Variants in ZCWPW2 observed in about 807,000 individuals in gnomAD.
ZCWPW2 encodes zinc finger CW-type PWWP domain protein 2.
Under a neutral mutation model 46.6 loss-of-function variants are expected in ZCWPW2, and 45 were observed. The observed-to-expected ratio is 0.96, with a 90% CI of 0.76 to 1.24. ZCWPW2 has a LOEUF of 1.24. Ranked by LOEUF, ZCWPW2 falls within the 50% of genes most tolerant of loss-of-function variation. The probability of loss-of-function intolerance (pLI) is 0.00; values close to 1 mark genes in which losing one functional copy is unlikely to be tolerated. For synonymous variants in ZCWPW2, 152 were observed against 137.1 expected (o/e 1.11, Z -0.76); for missense variants, 429 against 403.9 (o/e 1.06, Z -0.53).
chr3:28,363,225 T>A (rs1041254564), intron 1 of ZCWPW2, among the ~76,000 whole-genome samples: 3 of 152,020 alleles, frequency 2.0e-5, no homozygotes, highest in East Asian at 1.9e-4. Flanking sequence ...AAATATTTTT[T>A]AAAAAAAGAA....
At position 28,515,646 on chromosome 3, in the gene ZCWPW2, T is replaced by A. The variant is rs1266672952; in HGVS notation, c.784+25T>A. 3 of 1,585,438 alleles carry A rather than the reference T, an allele frequency of 1.9e-6. No homozygotes were observed. In the Admixed American group the frequency reaches 5.2e-5, roughly 27 times the overall value. ...GGTATGTGAAAGCCTGTCCTGCTTTTAGTTCTTTAACCTATATATAATTCC... is the reference window on the plus strand; with the variant it reads ...GGTATGTGAAAGCCTGTCCTGCTTTAAGTTCTTTAACCTATATATAATTCC... On this transcript the variant is annotated intron_variant, in intron 8 of 9. Transcript: ENST00000383768.
At chr3:28,373,833 A>T (rs1705418764) in intron 1 of ZCWPW2, among the ~76,000 whole-genome samples, 1 of 151,578 alleles carries the variant, frequency 6.6e-6, no homozygotes, top group Non-Finnish European at 1.5e-5. Context: ...TTTAAATTAG[A>T]TTTGTTTGTT....
intron 9 of ZCWPW2, among the ~76,000 whole-genome samples, chr3:28,522,847 G>A (rs571154502): frequency 1.1e-4 from 16 of 152,102 alleles, no homozygotes; most frequent in Admixed American, 3.9e-4. Context: ...TCCTATATAC[G>A]TATAATTAAT....
chr3:28,382,162 CAAAA>C (rs1237903671), intron 1 of ZCWPW2, among the ~76,000 whole-genome samples: 4 of 81,370 alleles, frequency 4.9e-5, no homozygotes, highest in African/African-American at 9.2e-5. Context: ...AACTGCATCT[CAAAA>C]AAAAAAAAAA....
intron 6 of ZCWPW2, among the ~76,000 whole-genome samples, chr3:28,502,279 C>G (rs1700163496): frequency 6.6e-6 from 1 of 152,074 alleles, no homozygotes; most frequent in South Asian, 2.1e-4. Context: ...AGATAAATCT[C>G]TGATTCCAAA....
chr3:28,429,385 C>T (rs1290476391), intron 3 of ZCWPW2, among the ~76,000 whole-genome samples: 1 of 152,108 alleles, frequency 6.6e-6, no homozygotes, highest in Non-Finnish European at 1.5e-5. Flanking sequence ...GCAATGTGAT[C>T]AAGAAGTGAC....
At chr3:28,374,288 A>G (rs914912659) in intron 1 of ZCWPW2, among the ~76,000 whole-genome samples, 2 of 152,166 alleles carry the variant, frequency 1.3e-5, no homozygotes, top group Non-Finnish European at 2.9e-5. Flanking sequence ...TTTGTCACAA[A>G]TGAGCTGAGT....
intron 4 of ZCWPW2, among the ~76,000 whole-genome samples, chr3:28,463,474 T>C (rs957623939): frequency 6.6e-6 from 1 of 152,202 alleles, no homozygotes; most frequent in Non-Finnish European, 1.5e-5. Flanking sequence ...TTGTCTGTTT[T>C]GCTGTTGGGA....
At chr3:28,437,793 C>T (rs1304732759) in intron 4 of ZCWPW2, among the ~76,000 whole-genome samples, 1 of 152,202 alleles carries the variant, frequency 6.6e-6, no homozygotes, top group Admixed American at 6.5e-5. Flanking sequence ...CCAGCCTCCT[C>T]TCTTATAAAG....
intron 9 of ZCWPW2, among the ~76,000 whole-genome samples, chr3:28,522,572 C>A (rs962380939): frequency 4.6e-5 from 7 of 152,108 alleles, no homozygotes; most frequent in Admixed American, 1.3e-4. Flanking sequence ...TAAACATGTC[C>A]TTTATTGAGT....
chr3:28,437,947 G>A (rs1251838299), intron 4 of ZCWPW2, among the ~76,000 whole-genome samples: 2 of 152,116 alleles, frequency 1.3e-5, no homozygotes, highest in Admixed American at 1.3e-4. Flanking sequence ...GAACTCTGGA[G>A]TCTATTGAAG....
intron 8 of ZCWPW2, 89 bp from the exon 9 acceptor site, chr3:28,520,903 G>A: frequency 6.7e-7 from 1 of 1,487,768 alleles, no homozygotes; most frequent in South Asian, 1.2e-5. Context: ...GCATTTAAAA[G>A]ATTTCTTCTT....
chr3:28,474,675 A>G (rs1444933018), intron 4 of ZCWPW2, among the ~76,000 whole-genome samples: 1 of 149,750 alleles, frequency 6.7e-6, no homozygotes, highest in Admixed American at 6.7e-5. Flanking sequence ...GTAATTCCTA[A>G]AGTTTATCTG....
chr3:28,353,179 G>A (rs145671551), intron 1 of ZCWPW2, among the ~76,000 whole-genome samples: 1,955 of 148,668 alleles, frequency 0.013, 35 homozygotes, highest in African/African-American at 0.045. Flanking sequence ...CCAAGACTCC[G>A]TCTCAAAAAA....
intron 7 of ZCWPW2, among the ~76,000 whole-genome samples, chr3:28,515,086 T>C (rs1172632920): frequency 2.0e-5 from 3 of 152,208 alleles, no homozygotes; most frequent in Non-Finnish European, 4.4e-5. Context: ...CAAGACCTTA[T>C]GGTTAGAGAA....
intron 4 of ZCWPW2, among the ~76,000 whole-genome samples, chr3:28,436,342 G>A (rs975166486): frequency 1.2e-4 from 2 of 17,056 alleles, no homozygotes; most frequent in Admixed American, 1.2e-3. Flanking sequence ...TTTTTTTTTT[G>A]TGATGGCCAG....
chr3:28,364,286 T>G (rs1011052166), intron 1 of ZCWPW2, among the ~76,000 whole-genome samples: 14 of 152,302 alleles, frequency 9.2e-5, no homozygotes, highest in Admixed American at 7.9e-4. Context: ...GTGTGCACAT[T>G]GCACCAAAAG....
At chr3:28,446,367 G>A (rs1170782272) in intron 4 of ZCWPW2, among the ~76,000 whole-genome samples, 1 of 151,946 alleles carries the variant, frequency 6.6e-6, no homozygotes, top group African/African-American at 2.4e-5. Context: ...ATAATAACAG[G>A]TAAAATTAGA....
intron 9 of ZCWPW2, among the ~76,000 whole-genome samples, chr3:28,521,732 G>A (rs1025521560): frequency 6.6e-6 from 1 of 152,138 alleles, no homozygotes; most frequent in African/African-American, 2.4e-5. Flanking sequence ...ACAGAGCAGC[G>A]ATGTGGTAGG....
Sources: allele counts gnomAD v4.1 joint callset (sites outside exome capture counted in the v4.1 genomes callset), GRCh38; gene constraint gnomAD v4.1.1; transcripts MANE v1.5; gene names NCBI Gene and HGNC (gene_info 2026-07-23, HGNC 2026-07-21).